The following CFAP77 variants were observed in gnomAD, a reference collection of about 807,000 sequenced individuals.
CFAP77 encodes the protein cilia- and flagella-associated protein 77.
In CFAP77, 25 loss-of-function variants were observed where a neutral mutation model predicts 31.1. That is an observed-to-expected ratio of 0.80 (90% CI 0.59 to 1.12). The LOEUF (loss-of-function observed/expected upper bound fraction) is 1.12. CFAP77 is among the 50% of genes most tolerant of loss of function. The pLI, the probability that CFAP77 is intolerant of heterozygous loss-of-function variation, is 0.00. For missense variants in CFAP77, 377 were observed against 397.3 expected (o/e 0.95, Z 0.44); for synonymous variants, 151 against 159.9 (o/e 0.94, Z 0.42).
At chr9:132,500,667 C>T (rs1851826280) in intron 3 of CFAP77, among the ~76,000 whole-genome samples, 1 of 152,236 alleles carries the variant, frequency 6.6e-6, no homozygotes, top group African/African-American at 2.4e-5. Context: ...CACACTCCCC[C>T]TGAGAAATAG....
At chr9:132,522,866 G>A (rs528562521) in intron 3 of CFAP77, among the ~76,000 whole-genome samples, 9 of 152,310 alleles carry the variant, frequency 5.9e-5, no homozygotes, top group East Asian at 1.9e-4. Flanking sequence ...TCCTGACCCC[G>A]AGTCTGGGGA....
chr9:132,475,367 C>A (rs1851332761), intron 1 of CFAP77, among the ~76,000 whole-genome samples: 1 of 152,186 alleles, frequency 6.6e-6, no homozygotes, highest in South Asian at 2.1e-4. Flanking sequence ...TTCTTGCTTT[C>A]TATGGCTGCA....
intron 5 of CFAP77, among the ~76,000 whole-genome samples, chr9:132,546,274 C>T (rs563117410): frequency 1.3e-5 from 2 of 152,314 alleles, no homozygotes; most frequent in African/African-American, 4.8e-5. Flanking sequence ...GGCGGGTGGC[C>T]AGGGCCACTC....
rs1387559929 is a variant in CFAP77 at position 132,424,930 on chromosome 9, A to T, written c.195+14464A>T. 6.6e-6 allele frequency among the ~76,000 whole-genome samples: 1 copy of T among 152,158 alleles called. No individual in the cohort carries two copies. The highest frequency in any genetic ancestry group is 6.5e-5 in the Admixed American group (1 of 15,278). ...ATCAGAGAGAGCAAATTGTTATCAG[A>T]TTAGCGCCAGCAATGAAAAGCACAG... On this transcript the variant is annotated intron_variant, in intron 1 of 5. Transcript: ENST00000393216. This position sits in a 1 kb window ranked among gnomAD's most constrained non-coding sequence, Gnocchi z 4.1.
chr9:132,519,402 G>C (rs951155529), intron 3 of CFAP77, among the ~76,000 whole-genome samples: 2 of 133,164 alleles, frequency 1.5e-5, no homozygotes, highest in Admixed American at 7.3e-5. Flanking sequence ...ATGGGTGGGC[G>C]GGTGGGTAGA....
chr9:132,484,122 G>A (rs1179799418), intron 1 of CFAP77, among the ~76,000 whole-genome samples: 1 of 152,022 alleles, frequency 6.6e-6, no homozygotes, highest in Non-Finnish European at 1.5e-5. Flanking sequence ...TATTTTAATA[G>A]AGACAGGGAT....
At chr9:132,482,960 T>TAAA (rs11453776) in intron 1 of CFAP77, among the ~76,000 whole-genome samples, 16 of 141,070 alleles carry the variant, frequency 1.1e-4, no homozygotes, top group African/African-American at 4.1e-4. Context: ...AATAATAATT[T>TAAA]AAAAAAAAAA....
chr9:132,549,570 G>A (rs971134291), intron 5 of CFAP77, among the ~76,000 whole-genome samples: 2 of 152,212 alleles, frequency 1.3e-5, no homozygotes, highest in African/African-American at 4.8e-5. Flanking sequence ...GGGCACAGTG[G>A]CTCATGCCTG....
chr9:132,565,899 C>T lies in CFAP77; in HGVS notation c.733-6489C>T, dbSNP rs1327855685. On this transcript the variant is annotated intron_variant, in intron 5 of 5. Coordinates refer to ENST00000393216, the MANE Select transcript of CFAP77 (RefSeq NM_001282957.2). This position sits in a 1 kb window ranked among gnomAD's most constrained non-coding sequence, Gnocchi z 4.1. The stretch of plus-strand genomic sequence containing the variant: ...CTCGCCCGGCTCCCAGGGCTGCTGG[C>T]GGCTGTGGCACTTGCCTCTTATTTA... Among the ~76,000 whole-genome samples, 1 of 152,210 alleles carries T rather than the reference C, an allele frequency of 6.6e-6. No homozygotes were observed. Among genetic ancestry groups the T allele is most frequent in the African/African-American group, 2.4e-5 (1 of 41,448 alleles).
intron 1 of CFAP77, among the ~76,000 whole-genome samples, chr9:132,411,448 C>G (rs1849998793): frequency 6.6e-6 from 1 of 152,154 alleles, no homozygotes; most frequent in African/African-American, 2.4e-5. Flanking sequence ...TGGCTCCTGG[C>G]AAAACATTGA....
chr9:132,443,485 T>G (rs969375206), intron 1 of CFAP77, among the ~76,000 whole-genome samples: 1 of 152,260 alleles, frequency 6.6e-6, no homozygotes, highest in East Asian at 1.9e-4. Context: ...ACTCCCGAAC[T>G]CAGGTGATCC....
chr9:132,417,273 C>G (rs1850121823), intron 1 of CFAP77, among the ~76,000 whole-genome samples: 1 of 151,936 alleles, frequency 6.6e-6, no homozygotes, highest in African/African-American at 2.4e-5. Flanking sequence ...TGCCACCATG[C>G]CCAGCTAATT....
At chr9:132,515,063 G>A (rs1852122586) in intron 3 of CFAP77, among the ~76,000 whole-genome samples, 2 of 152,188 alleles carry the variant, frequency 1.3e-5, no homozygotes, top group African/African-American at 4.8e-5. Flanking sequence ...ACTCTCAAAG[G>A]GTGCCAGGGA....
At chr9:132,560,577 C>A (rs543917257) in intron 5 of CFAP77, among the ~76,000 whole-genome samples, 1 of 152,354 alleles carries the variant, frequency 6.6e-6, no homozygotes, top group African/African-American at 2.4e-5. Context: ...AATCGATTCT[C>A]ATTTTCAAAG....
chr9:132,432,930 G>A (rs1850436768), intron 1 of CFAP77, among the ~76,000 whole-genome samples: 1 of 152,086 alleles, frequency 6.6e-6, no homozygotes. Context: ...TAGCCAGGAT[G>A]GTCTTGATCT....
At chr9:132,500,242 G>A (rs113607151) in intron 3 of CFAP77, among the ~76,000 whole-genome samples, 74 of 152,260 alleles carry the variant, frequency 4.9e-4, no homozygotes, top group Middle Eastern at 3.4e-3. Context: ...CCACCCCCGG[G>A]AAGCCAGGAG....
intron 1 of CFAP77, among the ~76,000 whole-genome samples, chr9:132,465,598 G>A (rs1174803401): frequency 6.6e-6 from 1 of 152,126 alleles, no homozygotes; most frequent in Non-Finnish European, 1.5e-5. Context: ...GACACACCCT[G>A]GTGTTCACTT....
rs539094379 is a variant in CFAP77 at position 132,481,148 on chromosome 9, C to T, written c.196-17547C>T. Among the ~76,000 whole-genome samples the T allele has an allele frequency of 2.0e-5, 3 of 152,306 alleles. No individual in the cohort carries two copies. Among genetic ancestry groups the T allele is most frequent in the South Asian group, 2.1e-4 (1 of 4,828 alleles). On this transcript the variant is annotated intron_variant, in intron 1 of 5. Coordinates refer to ENST00000393216, the MANE Select transcript of CFAP77 (RefSeq NM_001282957.2). The surrounding 1 kb of genome is among the most constrained non-coding windows in gnomAD (Gnocchi z 5.0). ...CACTCGTGTCTGCCGGCCATGGATA[C>T]GACAGAGCCTGGGGACTGTAAGACC...
intron 1 of CFAP77, among the ~76,000 whole-genome samples, chr9:132,458,361 T>TGTGG (rs1850966822): frequency 7.5e-6 from 1 of 132,850 alleles, no homozygotes; most frequent in Non-Finnish European, 1.6e-5. Context: ...GGGGGGGGTG[T>TGTGG]GTATGGAAGG....
Sources: gnomAD v4.1 joint callset for allele counts (sites outside exome capture counted in the v4.1 genomes callset) on GRCh38, gnomAD v4.1.1 for gene constraint, Gnocchi (gnomAD v3.1) non-coding constraint, MANE v1.5 for transcripts, NCBI Gene and HGNC (gene_info 2026-07-23, HGNC 2026-07-21) for gene names.